The following MYO10 variants were observed in gnomAD, a reference collection of about 807,000 sequenced individuals.
MYO10 encodes unconventional myosin-X.
In MYO10, 133 loss-of-function variants were observed where a neutral mutation model predicts 257.3. The observed-to-expected ratio is 0.52, with a 90% CI of 0.45 to 0.60. The LOEUF (loss-of-function observed/expected upper bound fraction) is 0.60. MYO10 is among the 20% of genes least tolerant of loss of function. The pLI is 0.00. For missense variants in MYO10, 2,399 were observed against 2,635.7 expected (o/e 0.91, Z 1.97); for synonymous variants, 1,104 against 1,028.6 (o/e 1.07, Z -1.40).
chr5:16,894,617 G>A (rs369912320), intron 1 of MYO10, among the ~76,000 whole-genome samples: 149 of 152,198 alleles, frequency 9.8e-4, no homozygotes, highest in African/African-American at 3.2e-3. Context: ...GGCCACTGAC[G>A]CATTTAACAA....
Position 16,852,050 on chromosome 5 carries a change from CAAAAAAAAAAAAAAA to C in MYO10, c.120+25544_120+25558del, listed in dbSNP as rs70943811. Among the ~76,000 whole-genome samples the C allele has an allele frequency of 1.1e-3, 48 of 42,570 alleles. No individual in the cohort carries two copies. The South Asian group carries it at 0.019, about 17-fold the overall frequency. The allele number at this position is 42,570 out of a possible 152,430, so 27.9% of individuals were successfully genotyped here. A position where few individuals can be genotyped will look rare whatever the true frequency, so the allele number is the denominator to read the frequency against. ...TGGGTGACAAAGCAAGACTCCATCTCAAAAAAAAAAAAAAAAAAAAAAAAAAAGAAGACTTACTGA... is the reference window on the plus strand; with the variant it reads ...TGGGTGACAAAGCAAGACTCCATCTCAAAAAAAAAAAAGAAGACTTACTGA... On this transcript the variant is annotated intron_variant, in intron 2 of 40. Coordinates refer to ENST00000513610, the MANE Select transcript of MYO10 (RefSeq NM_012334.3).
intron 19 of MYO10, among the ~76,000 whole-genome samples, chr5:16,745,521 A>G (rs193126346): frequency 2.0e-5 from 3 of 151,994 alleles, no homozygotes; most frequent in South Asian, 2.1e-4. Flanking sequence ...CCTCGTCTCT[A>G]TGAAAAATTA....
At chr5:16,800,509 T>C (rs939382124) in intron 3 of MYO10, among the ~76,000 whole-genome samples, 1 of 152,242 alleles carries the variant, frequency 6.6e-6, no homozygotes, top group African/African-American at 2.4e-5. Flanking sequence ...GGGTACAGCA[T>C]GTGCTCGTGG....
chr5:16,696,025 C>T (rs1014878858), intron 26 of MYO10, among the ~76,000 whole-genome samples: 1 of 152,210 alleles, frequency 6.6e-6, no homozygotes, highest in Non-Finnish European at 1.5e-5. Context: ...TTTCTCAAAA[C>T]AAGCCTGGAG....
rs35424758 is a variant in MYO10 at position 16,792,583 on chromosome 5, C to CG, written c.467+2062dup. Among the ~76,000 whole-genome samples, 416 of 140,450 alleles carry CG rather than the reference C, an allele frequency of 3.0e-3. 5 individuals are homozygous for CG. Among genetic ancestry groups the CG allele is most frequent in the African/African-American group, 0.011 (394 of 34,280 alleles). 92.1% of individuals were successfully genotyped at this position (140,450 alleles called of 152,430 possible). ...CAACCCCAGTCCCTCCCCACAGGAG[C>CG]GGGGGGCGGGGGGCTGCTCTAAGTG... is the stretch of plus-strand genomic sequence containing the variant. On this transcript the variant is annotated intron_variant, in intron 4 of 40. Transcript: ENST00000513610.
At chr5:16,761,239 C>T (rs1223898537) in intron 17 of MYO10, among the ~76,000 whole-genome samples, 1 of 152,144 alleles carries the variant, frequency 6.6e-6, no homozygotes, top group Non-Finnish European at 1.5e-5. Flanking sequence ...GATTTGCCCA[C>T]CTTGGCATCC....
At chr5:16,783,954 C>A (rs1054476412) in intron 4 of MYO10, among the ~76,000 whole-genome samples, 3 of 152,142 alleles carry the variant, frequency 2.0e-5, no homozygotes, top group African/African-American at 7.2e-5. Flanking sequence ...GTACACAACC[C>A]ACACTAACTC....
At chr5:16,893,284 A>C (rs1308724170) in intron 1 of MYO10, among the ~76,000 whole-genome samples, 1 of 151,826 alleles carries the variant, frequency 6.6e-6, no homozygotes, top group Non-Finnish European at 1.5e-5. Flanking sequence ...AGAAACATTT[A>C]AATGACATAA....
chr5:16,736,032 T>C (rs1212573638), intron 19 of MYO10, among the ~76,000 whole-genome samples: 1 of 152,088 alleles, frequency 6.6e-6, no homozygotes, highest in Non-Finnish European at 1.5e-5. Flanking sequence ...AAGCACAATC[T>C]ATGTCTCAGA....
intron 30 of MYO10, 138 bp from the exon 31 acceptor site, chr5:16,682,151 T>C (rs1483424645): frequency 9.6e-7 from 1 of 1,038,046 alleles, no homozygotes; most frequent in Non-Finnish European, 1.4e-6. Context: ...GTGCTTTTAT[T>C]AAGGCAAACG....
chr5:16,813,415 A>G (rs1742500894), intron 3 of MYO10, among the ~76,000 whole-genome samples: 1 of 151,792 alleles, frequency 6.6e-6, no homozygotes, highest in South Asian at 2.1e-4. Context: ...CTATAGTCCT[A>G]TATATTATAT....
At chr5:16,835,160 G>C (rs974339807) in intron 2 of MYO10, among the ~76,000 whole-genome samples, 2 of 152,266 alleles carry the variant, frequency 1.3e-5, no homozygotes, top group South Asian at 2.1e-4. Context: ...ATGGGCGACA[G>C]AGTGAGACTG....
At chr5:16,732,480 T>G (rs932673609) in intron 19 of MYO10, among the ~76,000 whole-genome samples, 1 of 152,222 alleles carries the variant, frequency 6.6e-6, no homozygotes, top group Non-Finnish European at 1.5e-5. Context: ...CTATTTCTAC[T>G]TCTCTGTCCA....
chr5:16,769,927 GTT>G (rs1740994994), intron 9 of MYO10, among the ~76,000 whole-genome samples: 1 of 148,264 alleles, frequency 6.7e-6, no homozygotes. Context: ...GTGTATTTTT[GTT>G]TTGTTTTGTT....
In MYO10 at chr5:16,935,851, C is replaced by G. The variant is rs774086306; in HGVS notation, c.-43G>C. On this transcript the variant is annotated 5_prime_UTR_variant, in exon 1 of 41. Transcript: ENST00000513610. Reference sequence around the variant, plus strand: ...GGACTCGCCGAGTGCCGCTCCGACTCGCGGAAGTCAGCGCCGCCGCGGGTC... The same window carrying G: ...GGACTCGCCGAGTGCCGCTCCGACTGGCGGAAGTCAGCGCCGCCGCGGGTC... 3 of 1,609,864 alleles carry G rather than the reference C, an allele frequency of 1.9e-6. No individual in the cohort carries two copies. The highest frequency in any genetic ancestry group is 2.7e-5 in the African/African-American group (2 of 74,812).
rs750575403 is a variant in MYO10 at position 16,668,336 on chromosome 5, G to A, written c.6016C>T (p.Leu2006=). The change falls in exon 40 of 41, where the codon CTG becomes TTG. Residue 2006 remains leucine, a synonymous_variant. Transcript: ENST00000513610. ...ACCACGATCTTATACGTATTCGCCA[G>A]GGGTGCCCCAAAAGAGAGGATGTGT... ...YEHILSFGAP[L]ANTYKIVVDE... is the part of the protein sequence containing the mutation. 8 of 1,614,004 alleles carry A rather than the reference G, an allele frequency of 5.0e-6. No homozygotes were observed. The highest frequency in any genetic ancestry group is 6.8e-6 in the Non-Finnish European group (8 of 1,179,890).
At chr5:16,842,243 T>C (rs1743504412) in intron 2 of MYO10, among the ~76,000 whole-genome samples, 1 of 152,160 alleles carries the variant, frequency 6.6e-6, no homozygotes, top group Non-Finnish European at 1.5e-5. Context: ...TGACCTTTGC[T>C]AAAAGCTCCA....
chr5:16,668,553 G>C, intron 39 of MYO10, 85 bp from the exon 40 acceptor site: 1 of 1,115,498 alleles, frequency 9.0e-7, no homozygotes, highest in Non-Finnish European at 1.2e-6. Context: ...GGCTTTGAGT[G>C]AAGTCCTCTG....
chr5:16,835,502 T>G (rs1040686908), intron 2 of MYO10, among the ~76,000 whole-genome samples: 18 of 144,250 alleles, frequency 1.2e-4, no homozygotes, highest in Non-Finnish European at 2.0e-4. Context: ...GTTTTTTTTT[T>G]TTTTTTTTTT....
Sources: allele counts gnomAD v4.1 joint callset (sites outside exome capture counted in the v4.1 genomes callset), GRCh38; gene constraint gnomAD v4.1.1; transcripts MANE v1.5; gene names NCBI Gene and HGNC (gene_info 2026-07-23, HGNC 2026-07-21).